CACNA2D3: variants seen among roughly 807,000 people sequenced by gnomAD.
The protein encoded by CACNA2D3 is voltage-dependent calcium channel subunit alpha-2/delta-3.
CACNA2D3 carries 60 observed loss-of-function variants against 160.6 expected under a neutral mutation model. The observed-to-expected ratio is 0.37, with a 90% CI of 0.30 to 0.46. CACNA2D3 has a LOEUF of 0.46. Among genes scored for constraint, CACNA2D3 ranks in the 20% least tolerant of loss-of-function variants. The pLI is 1.00. For synonymous variants in CACNA2D3, 558 were observed against 492.9 expected (o/e 1.13, Z -1.75); for missense variants, 1,205 against 1,365.0 (o/e 0.88, Z 1.85).
At chr3:54,438,338 T>C (rs1192927950) in intron 4 of CACNA2D3, among the ~76,000 whole-genome samples, 1 of 152,178 alleles carries the variant, frequency 6.6e-6, no homozygotes, top group Non-Finnish European at 1.5e-5. Flanking sequence ...AGTTACTAAT[T>C]TGTGTTTCAT....
chr3:54,871,204 C>CACACAGAG lies in CACNA2D3; in HGVS notation c.1627-330_1627-329insGAGACACA, dbSNP rs1553897827. On this transcript the variant is annotated intron_variant, in intron 17 of 37. Coordinates refer to ENST00000474759, the MANE Select transcript of CACNA2D3 (RefSeq NM_018398.3). ...GGAGACACACACACACACACACACA[C>CACACAGAG]ACACACACACACACACACACCCCCC... Among the ~76,000 whole-genome samples the CACACAGAG allele has an allele frequency of 2.1e-3, 309 of 145,928 alleles. 5 individuals carry two copies. The highest frequency in any genetic ancestry group is 7.4e-3 in the East Asian group (37 of 5,002).
chr3:54,687,135 G>GT lies in CACNA2D3; in HGVS notation c.1167+44909dup, dbSNP rs1290353261. 1.3e-3 allele frequency among the ~76,000 whole-genome samples: 117 copies of GT among 88,894 alleles called. 1 individual carries two copies. Among genetic ancestry groups the GT allele is most frequent in the East Asian group, 0.012 (37 of 3,088 alleles). The allele number at this position is 88,894 out of a possible 152,430, so 58.3% of individuals were successfully genotyped here. On this transcript the variant is annotated intron_variant, in intron 11 of 37. Coordinates refer to ENST00000474759, the MANE Select transcript of CACNA2D3 (RefSeq NM_018398.3). ...TTTTTCTTTTTCTTTTTTTTTTTTTGTTTTTTTTTTTTTTTGTTTTTTTGA... is the reference window on the plus strand; with the variant it reads ...TTTTTCTTTTTCTTTTTTTTTTTTTGTTTTTTTTTTTTTTTTGTTTTTTTGA...
intron 26 of CACNA2D3, among the ~76,000 whole-genome samples, chr3:54,897,153 G>C (rs909119934): frequency 1.3e-5 from 2 of 152,196 alleles, no homozygotes; most frequent in Admixed American, 6.5e-5. Context: ...TTGTCAGTCA[G>C]TTTTTTTAAA....
At chr3:54,211,008 G>A (rs559550825) in intron 2 of CACNA2D3, among the ~76,000 whole-genome samples, 42 of 152,134 alleles carry the variant, frequency 2.8e-4, no homozygotes, top group Non-Finnish European at 3.8e-4. Flanking sequence ...TGTCTTAAGC[G>A]TCAAACAGGT....
At chr3:54,822,366 G>T (rs536651523) in intron 14 of CACNA2D3, among the ~76,000 whole-genome samples, 1 of 152,330 alleles carries the variant, frequency 6.6e-6, no homozygotes, top group East Asian at 1.9e-4. Context: ...GGAAATCTGA[G>T]TGATGGCATA....
intron 4 of CACNA2D3, among the ~76,000 whole-genome samples, chr3:54,492,798 G>GA (rs775651134): frequency 6.6e-6 from 1 of 152,058 alleles, no homozygotes; most frequent in African/African-American, 2.4e-5. Flanking sequence ...CATTGAAAAA[G>GA]AAAAAACCTG....
chr3:54,615,176 A>G (rs553649809), intron 9 of CACNA2D3, among the ~76,000 whole-genome samples: 7 of 152,324 alleles, frequency 4.6e-5, no homozygotes, highest in East Asian at 1.9e-4. Flanking sequence ...AAATATCACT[A>G]TGTTGCAGCT....
intron 27 of CACNA2D3, among the ~76,000 whole-genome samples, chr3:54,938,636 A>T (rs1701387036): frequency 6.6e-6 from 1 of 151,054 alleles, no homozygotes; most frequent in African/African-American, 2.4e-5. Flanking sequence ...CCCCCAAATT[A>T]TACATCTTGA....
chr3:54,591,586 T>C (rs1423796356), intron 9 of CACNA2D3, among the ~76,000 whole-genome samples: 1 of 151,496 alleles, frequency 6.6e-6, no homozygotes, highest in Non-Finnish European at 1.5e-5. Context: ...TTTTTTTTTT[T>C]TCACATCACT....
intron 13 of CACNA2D3, among the ~76,000 whole-genome samples, chr3:54,795,814 A>G (rs1198156002): frequency 1.3e-5 from 2 of 152,332 alleles, no homozygotes; most frequent in East Asian, 3.9e-4. Context: ...ACCAGTAGGA[A>G]ATACCGATAT....
At chr3:54,513,903 C>T (rs1701500125) in intron 5 of CACNA2D3, among the ~76,000 whole-genome samples, 1 of 152,132 alleles carries the variant, frequency 6.6e-6, no homozygotes, top group African/African-American at 2.4e-5. Flanking sequence ...GAACTCCTGA[C>T]CTCAAGTGAT....
intron 4 of CACNA2D3, among the ~76,000 whole-genome samples, chr3:54,486,516 A>G (rs1448523577): frequency 1.3e-5 from 2 of 152,224 alleles, no homozygotes; most frequent in African/African-American, 4.8e-5. Context: ...GCGTTCCAAG[A>G]TGTGACTGCC....
intron 12 of CACNA2D3, among the ~76,000 whole-genome samples, chr3:54,759,787 G>A (rs1017551808): frequency 6.6e-6 from 1 of 152,174 alleles, no homozygotes; most frequent in Admixed American, 6.5e-5. Context: ...TCCTGGGGGA[G>A]GAGCTCTGAG....
chr3:54,352,828 C>A (rs1314935683), intron 3 of CACNA2D3, among the ~76,000 whole-genome samples: 1 of 152,146 alleles, frequency 6.6e-6, no homozygotes. Context: ...AAGTTCTGAC[C>A]AATAAATTTG....
rs1698748171 is a variant in CACNA2D3 at position 54,838,666 on chromosome 3, C to T, written c.1551+18C>T. ...AATACAAGGTAATGAATGACCTAATCCCTGAAATCAAAGCAACAGAGATGC... is the reference window on the plus strand; with the variant it reads ...AATACAAGGTAATGAATGACCTAATTCCTGAAATCAAAGCAACAGAGATGC... On this transcript the variant is annotated intron_variant, in intron 16 of 37. Coordinates refer to ENST00000474759, the MANE Select transcript of CACNA2D3 (RefSeq NM_018398.3). The T allele has an allele frequency of 6.4e-7, 1 of 1,569,164 alleles. No individual in the cohort carries two copies. The highest frequency in any genetic ancestry group is 8.8e-7 in the Non-Finnish European group (1 of 1,139,044).
At chr3:54,437,676 A>T (rs1046780967) in intron 4 of CACNA2D3, among the ~76,000 whole-genome samples, 9 of 152,226 alleles carry the variant, frequency 5.9e-5, no homozygotes, top group African/African-American at 1.9e-4. Context: ...ACACTGATCC[A>T]TATCTTTGAG....
intron 3 of CACNA2D3, among the ~76,000 whole-genome samples, chr3:54,375,752 A>G (rs1449327): frequency 0.25 from 38,529 of 151,904 alleles, 4,993 homozygotes; most frequent in Middle Eastern, 0.32. Context: ...CAACCATGTG[A>G]GATTGCCAGA....
chr3:54,857,844 C>G (rs1053986205), intron 17 of CACNA2D3, among the ~76,000 whole-genome samples: 4 of 152,076 alleles, frequency 2.6e-5, no homozygotes, highest in Admixed American at 2.6e-4. Context: ...ATTTCAGGCC[C>G]CTGAGCATGT....
At chr3:54,816,563 C>T (rs1703461955) in intron 13 of CACNA2D3, among the ~76,000 whole-genome samples, 1 of 152,166 alleles carries the variant, frequency 6.6e-6, no homozygotes, top group African/African-American at 2.4e-5. Context: ...GCAGAAGAGC[C>T]TCGGTTCCAG....
Sources: gnomAD v4.1 joint callset for allele counts (sites outside exome capture counted in the v4.1 genomes callset) on GRCh38, gnomAD v4.1.1 for gene constraint, MANE v1.5 for transcripts, NCBI Gene and HGNC (gene_info 2026-07-23, HGNC 2026-07-21) for gene names.